DPH6: variants seen among roughly 807,000 people sequenced by gnomAD.
The protein encoded by DPH6 is diphthine--ammonia ligase.
A neutral mutation model predicts 38.2 loss-of-function variants in DPH6; 33 were observed. The ratio of observed to expected loss-of-function variants is 0.86; its 90% CI spans 0.65 to 1.15. The LOEUF is 1.15. DPH6 is among the 50% of genes most tolerant of loss of function. DPH6 has a pLI of 0.00. For synonymous variants in DPH6, 108 were observed against 103.0 expected (o/e 1.05, Z -0.30); for missense variants, 325 against 320.0 (o/e 1.02, Z -0.12).
intron 3 of DPH6, among the ~76,000 whole-genome samples, chr15:35,336,431 C>T (rs1367194158): frequency 6.6e-6 from 1 of 152,084 alleles, no homozygotes; most frequent in Non-Finnish European, 1.5e-5. Flanking sequence ...GATCTTCCGT[C>T]ACTGATACCC....
chr15:35,495,944 G>T (rs947692662), intron 3 of DPH6, among the ~76,000 whole-genome samples: 1 of 152,130 alleles, frequency 6.6e-6, no homozygotes, highest in Admixed American at 6.5e-5. Flanking sequence ...TGAGAACATG[G>T]TATAGTGGAA....
At chr15:35,194,606 C>T in the DPH6 span, among the ~76,000 whole-genome samples, 1 of 152,216 alleles carries the variant, frequency 6.6e-6, no homozygotes, top group African/African-American at 2.4e-5. Flanking sequence ...ACAGCATGTG[C>T]TTCTGTAGTC....
the DPH6 span, among the ~76,000 whole-genome samples, chr15:35,162,203 C>G: frequency 6.6e-6 from 1 of 151,860 alleles, no homozygotes; most frequent in Non-Finnish European, 1.5e-5. Context: ...CATGCCCAAG[C>G]CTAGTTCCTT....
chr15:35,401,911 A>C (rs1371213565), intron 6 of DPH6: 1 of 424,914 alleles, frequency 2.4e-6, no homozygotes, highest in Non-Finnish European at 4.4e-6. Context: ...GCTTTAGACA[A>C]ATACTCATGT....
intron 3 of DPH6, among the ~76,000 whole-genome samples, chr15:35,486,710 T>G (rs1237036445): frequency 1.3e-5 from 2 of 152,112 alleles, no homozygotes; most frequent in African/African-American, 4.8e-5. Context: ...TCTCATGTCC[T>G]TCTCACATTT....
intron 6 of DPH6, among the ~76,000 whole-genome samples, chr15:35,391,185 C>G (rs1264367001): frequency 1.3e-5 from 2 of 152,160 alleles, no homozygotes; most frequent in African/African-American, 4.8e-5. Flanking sequence ...ATGCTGCTGC[C>G]TGATCGGTCC....
At chr15:35,388,086 T>C (rs2052997054) in intron 6 of DPH6, among the ~76,000 whole-genome samples, 1 of 152,228 alleles carries the variant, frequency 6.6e-6, no homozygotes, top group Admixed American at 6.5e-5. Flanking sequence ...CTTTTCTGCA[T>C]CTATTGAAAT....
At chr15:35,277,811 C>T (rs2051869415) in intron 3 of DPH6, among the ~76,000 whole-genome samples, 1 of 152,126 alleles carries the variant, frequency 6.6e-6, no homozygotes, top group South Asian at 2.1e-4. Context: ...GAAGTTTGAA[C>T]TTAAGAGTGA....
At chr15:35,530,632 G>A (rs909613840) in intron 3 of DPH6, among the ~76,000 whole-genome samples, 20 of 152,190 alleles carry the variant, frequency 1.3e-4, no homozygotes, top group Non-Finnish European at 1.5e-5. Flanking sequence ...TGAAGAGACA[G>A]AATGATGATT....
At position 35,285,872 on chromosome 15, in the gene DPH6, G is replaced by GTTTTTTTTTTGTTTTTTT. The variant is rs2051938669; in HGVS notation, n.201-65291_201-65290insAAAAAAACAAAAAAAAAA. Among the ~76,000 whole-genome samples the GTTTTTTTTTTGTTTTTTT allele has an allele frequency of 7.6e-5, 4 of 52,794 alleles. 1 individual carries two copies. The highest frequency in any genetic ancestry group is 6.5e-5 in the Non-Finnish European group (2 of 30,542). The allele number at this position is 52,794 out of a possible 152,430, so 34.6% of individuals were successfully genotyped here. The stretch of plus-strand genomic sequence containing the variant: ...GACTCAATTATCATTTTATCTTTGA[G>GTTTTTTTTTTGTTTTTTT]TTTTTTTTTTTTTTTTTACCTGAGA... On this transcript the variant is annotated intron_variant and non_coding_transcript_variant, in intron 3 of 3. Coordinates refer to the DPH6 transcript ENST00000560386.
chr15:35,486,734 G>A (rs2054404346), intron 3 of DPH6, among the ~76,000 whole-genome samples: 1 of 152,012 alleles, frequency 6.6e-6, no homozygotes, highest in East Asian at 1.9e-4. Context: ...AACCAATCAT[G>A]CATTTCCAAC....
At chr15:35,422,806 G>C (rs556120369) in intron 5 of DPH6, among the ~76,000 whole-genome samples, 3 of 151,762 alleles carry the variant, frequency 2.0e-5, no homozygotes, top group Non-Finnish European at 4.4e-5. Context: ...TAAGTGATAC[G>C]ATGCAGTATT....
In DPH6 at chr15:35,364,550, G is replaced by A. The variant is rs1380266170; in HGVS notation, n.207+8971C>T. Reference sequence around the variant, plus strand: ...AAATTCCTCCACTTTTATTCTTGAAGGATATTATTGCTGGGTACAGAATTC... The same window carrying A: ...AAATTCCTCCACTTTTATTCTTGAAAGATATTATTGCTGGGTACAGAATTC... On this transcript the variant is annotated intron_variant and non_coding_transcript_variant, in intron 3 of 3. Transcript: ENST00000558973. 2.6e-5 allele frequency among the ~76,000 whole-genome samples: 4 copies of A among 152,084 alleles called. No homozygotes were observed. In the East Asian group the frequency reaches 5.8e-4, roughly 22 times the overall value.
chr15:35,421,513 T>C (rs2053504786), intron 5 of DPH6, among the ~76,000 whole-genome samples: 1 of 152,206 alleles, frequency 6.6e-6, no homozygotes. Flanking sequence ...CTGTAAAGTT[T>C]TTGGGGTGTA....
chr15:35,284,644 AAAG>A (rs1261441360), intron 3 of DPH6, among the ~76,000 whole-genome samples: 1 of 150,824 alleles, frequency 6.6e-6, no homozygotes. Flanking sequence ...AAAATGAATG[AAAG>A]AAGAAATACT....
intron 3 of DPH6, among the ~76,000 whole-genome samples, chr15:35,321,889 G>A (rs1250886325): frequency 1.3e-5 from 2 of 152,198 alleles, no homozygotes; most frequent in Admixed American, 6.5e-5. Flanking sequence ...CGGGAACCTC[G>A]CCCACACAGG....
intron 5 of DPH6, among the ~76,000 whole-genome samples, chr15:35,420,547 C>T (rs569343988): frequency 3.9e-5 from 6 of 152,202 alleles, no homozygotes; most frequent in African/African-American, 1.2e-4. Flanking sequence ...TAGACAGTCT[C>T]GCTCTGTTGC....
At chr15:35,212,975 T>C (rs998422628), downstream of DPH6, among the ~76,000 whole-genome samples, 1 of 152,260 alleles carries the variant, frequency 6.6e-6, no homozygotes, top group East Asian at 1.9e-4. Flanking sequence ...AGAGTTGTTT[T>C]TGCATTGAAT....
At chr15:35,461,109 G>A (rs2054061554) in intron 3 of DPH6, among the ~76,000 whole-genome samples, 1 of 152,116 alleles carries the variant, frequency 6.6e-6, no homozygotes, top group Admixed American at 6.6e-5. Flanking sequence ...ATTTGAGATG[G>A]AGTCTCGCTC....
Sources: gnomAD v4.1 joint callset for allele counts (sites outside exome capture counted in the v4.1 genomes callset) on GRCh38, gnomAD v4.1.1 for gene constraint, MANE v1.5 for transcripts, NCBI Gene and HGNC (gene_info 2026-07-23, HGNC 2026-07-21) for gene names.